Variants in ARHGAP1 observed in about 807,000 individuals in gnomAD.
The protein encoded by ARHGAP1 is Rho GTPase activating protein 1, also known as rho GTPase-activating protein 1.
Under a neutral mutation model 52.2 loss-of-function variants are expected in ARHGAP1, and 23 were observed. The ratio of observed to expected loss-of-function variants is 0.44; its 90% confidence interval spans 0.32 to 0.62. The LOEUF (loss-of-function observed/expected upper bound fraction) is 0.62, where lower values mean the gene tolerates loss of function less well. Among genes scored for constraint, ARHGAP1 ranks in the 20% least tolerant of loss-of-function variants. The pLI, the probability that ARHGAP1 is intolerant of heterozygous loss-of-function variation, is 0.05. For missense variants in ARHGAP1, 480 were observed against 560.9 expected (o/e 0.86, Z 1.46); for synonymous variants, 210 against 228.4 (o/e 0.92, Z 0.73).
intron 3 of ARHGAP1, 100 bp from the exon 4 acceptor site, chr11:46,688,360 A>G: frequency 8.3e-7 from 1 of 1,209,710 alleles, no homozygotes; most frequent in Non-Finnish European, 1.2e-6. Flanking sequence ...TGAGCCAGTT[A>G]CCACAGGGGC....
chr11:46,688,338 G>A, intron 3 of ARHGAP1, 78 bp from the exon 4 acceptor site: 1 of 1,404,760 alleles, frequency 7.1e-7, no homozygotes, highest in Non-Finnish European at 9.9e-7. Flanking sequence ...AAAGGGGCCA[G>A]GCCTGCTGAT....
At chr11:46,698,757 C>T (rs2064676449) in intron 1 of ARHGAP1, among the ~76,000 whole-genome samples, 1 of 152,110 alleles carries the variant, frequency 6.6e-6, no homozygotes, top group African/African-American at 2.4e-5. Context: ...TGACCTCCCT[C>T]AACGCCCCCA....
rs1289985842 is a variant in ARHGAP1, at chr11:46,687,869, T to C, written c.317+304A>G. The C allele has an allele frequency of 1.2e-5, 4 of 330,762 alleles. No homozygotes were observed. In the Admixed American group the frequency reaches 1.4e-4, roughly 11 times the overall value. 20.5% of individuals were successfully genotyped at this position (330,762 alleles called of 1,614,324 possible). A position where few individuals can be genotyped will look rare whatever the true frequency, so the allele number is the denominator to read the frequency against. ...TCACATCTGGACAAAAGTCCTTCCT[T>C]TTCATGTGCTGTTTGTCACTCCTAC... On this transcript the variant is annotated intron_variant, in intron 4 of 12. Transcript: ENST00000311956.
intron 3 of ARHGAP1, among the ~76,000 whole-genome samples, chr11:46,693,046 G>A (rs533293704): frequency 6.6e-6 from 1 of 152,138 alleles, no homozygotes; most frequent in Non-Finnish European, 1.5e-5. Flanking sequence ...TAGAGACGGG[G>A]TTTCACTGTG....
chr11:46,687,961 C>T (rs957151941), intron 4 of ARHGAP1: 23 of 535,570 alleles, frequency 4.3e-5, no homozygotes, highest in African/African-American at 4.2e-4. Context: ...AGATGCTTAC[C>T]AAGGTCACCC....
intron 4 of ARHGAP1, among the ~76,000 whole-genome samples, chr11:46,683,787 T>C (rs994060851): frequency 2.6e-5 from 4 of 152,136 alleles, no homozygotes; most frequent in Admixed American, 1.3e-4. Context: ...ATTATAGGCA[T>C]GTGCCACCAC....
intron 3 of ARHGAP1, among the ~76,000 whole-genome samples, chr11:46,690,048 G>A (rs568822235): frequency 2.1e-4 from 32 of 152,192 alleles, no homozygotes; most frequent in Middle Eastern, 3.4e-3. Context: ...ACTGACAATC[G>A]CTTTCTGATT....
chr11:46,699,999 GTCTC>G (rs1565692470), intron 1 of ARHGAP1, among the ~76,000 whole-genome samples: 1 of 150,772 alleles, frequency 6.6e-6, no homozygotes, highest in South Asian at 2.1e-4. Context: ...GTGAAACCCT[GTCTC>G]TACTAAAAAT....
chr11:46,689,018 A>G (rs2064592132), intron 3 of ARHGAP1, among the ~76,000 whole-genome samples: 1 of 148,860 alleles, frequency 6.7e-6, no homozygotes, highest in Non-Finnish European at 1.5e-5. Context: ...TGGGAGGCGG[A>G]GGTTGCAGTG....
At chr11:46,682,561 G>A (rs1224732563) in intron 4 of ARHGAP1, among the ~76,000 whole-genome samples, 2 of 152,218 alleles carry the variant, frequency 1.3e-5, no homozygotes, top group East Asian at 1.9e-4. Context: ...GTGCAGGCCT[G>A]TAATCCCAGC....
At chr11:46,689,840 T>C (rs2064597743) in intron 3 of ARHGAP1, among the ~76,000 whole-genome samples, 2 of 152,126 alleles carry the variant, frequency 1.3e-5, no homozygotes, top group Non-Finnish European at 2.9e-5. Context: ...CGCCCGGCTC[T>C]TACCTCAATT....
Position 46,688,089 on chromosome 11 carries a change from C to A in ARHGAP1, c.317+84G>T, listed in dbSNP as rs1592388386. On this transcript the variant is annotated intron_variant, in intron 4 of 12. Coordinates refer to ENST00000311956, the MANE Select transcript of ARHGAP1 (RefSeq NM_004308.5). ...AGGCAGGTGGCCTAGCACCCACAGG[C>A]AGGGAGGGACAGTAAAGAACGTGGC... 26 of 1,374,714 alleles carry A rather than the reference C, an allele frequency of 1.9e-5. No individual in the cohort carries two copies. In the East Asian group the frequency reaches 6.4e-4, roughly 34 times the overall value. The allele number at this position is 1,374,714 out of a possible 1,614,324, so 85.2% of individuals were successfully genotyped here.
At chr11:46,695,255 C>A in intron 3 of ARHGAP1, 4 of 354,022 alleles carry the variant, frequency 1.1e-5, no homozygotes, top group South Asian at 8.6e-5. Context: ...TTCCAGACTT[C>A]CCTAGGGCTA....
At position 46,677,701 on chromosome 11, in the gene ARHGAP1, C is replaced by CT; in HGVS notation, c.*1335_*1336insA. On this transcript the variant is annotated 3_prime_UTR_variant, in exon 13 of 13. Coordinates refer to ENST00000311956, the MANE Select transcript of ARHGAP1 (RefSeq NM_004308.5). The stretch of plus-strand genomic sequence containing the variant: ...GTGCAGTGGCTCACGCCTGGAATCC[C>CT]AGCACTTTGGGAGGCCGAGGTGGGT... 1 of 243,710 alleles carries CT rather than the reference C, an allele frequency of 4.1e-6. No individual in the cohort carries two copies. The highest frequency in any genetic ancestry group is 3.6e-5 in the South Asian group (1 of 27,618). 15.1% of individuals were successfully genotyped at this position (243,710 alleles called of 1,614,324 possible).
Position 46,682,091 on chromosome 11 carries a change from G to A in ARHGAP1, c.409C>T (p.Leu137Phe). Residue 137 changes from leucine (L) to phenylalanine (F), a missense_variant, in exon 5 of 13, where the codon CTC becomes TTC. Physicochemically the swap from Leu to Phe is conservative, Grantham distance 22. Coordinates refer to ENST00000311956, the MANE Select transcript of ARHGAP1 (RefSeq NM_004308.5). Reference sequence around the variant, plus strand: ...CGGTAGGCATCACGGAGCCAGCTGAGGGAGGGCTTGTTGTCGCTGGTCAGG... The same window carrying A: ...CGGTAGGCATCACGGAGCCAGCTGAAGGAGGGCTTGTTGTCGCTGGTCAGG... ...HGLTSDNKPS[L>F]SWLRDAYREF... The A allele has an allele frequency of 6.2e-7, 1 of 1,614,164 alleles. No homozygotes were observed. Among genetic ancestry groups the A allele is most frequent in the Non-Finnish European group, 8.5e-7 (1 of 1,180,008 alleles).
Position 46,681,926 on chromosome 11 carries a change from C to G in ARHGAP1, c.449+125G>C. 7.4e-7 allele frequency: 1 copy of G among 1,350,654 alleles called. No individual in the cohort carries two copies. Among genetic ancestry groups the G allele is most frequent in the Non-Finnish European group, 1.0e-6 (1 of 985,968 alleles). 83.7% of individuals were successfully genotyped at this position (1,350,654 alleles called of 1,614,324 possible). A position where few individuals can be genotyped will look rare whatever the true frequency, so the allele number is the denominator to read the frequency against. ...TCTGACTGCAGATTCTTTACATTGA[C>G]GTAGACGGCAGCCCCCGCCACCCCC... On this transcript the variant is annotated intron_variant, in intron 5 of 12. Coordinates refer to ENST00000311956, the MANE Select transcript of ARHGAP1 (RefSeq NM_004308.5). The surrounding 1 kb of genome is among the most constrained non-coding windows in gnomAD (Gnocchi z 5.7).
At chr11:46,685,676 CTTTTTTTTTTT>C (rs34418008) in intron 4 of ARHGAP1, among the ~76,000 whole-genome samples, 2 of 112,220 alleles carry the variant, frequency 1.8e-5, no homozygotes, top group African/African-American at 7.2e-5. Flanking sequence ...GCACAAGTCT[CTTTTTTTTTTT>C]TTTTTTTTTG....
At chr11:46,693,115 A>G (rs1009611966) in intron 3 of ARHGAP1, among the ~76,000 whole-genome samples, 8 of 151,772 alleles carry the variant, frequency 5.3e-5, no homozygotes, top group Non-Finnish European at 1.2e-4. Context: ...GCCTCCCAAA[A>G]TGCTGGGATT....
chr11:46,681,151 C>G lies in ARHGAP1; in HGVS notation c.537-42G>C, dbSNP rs1331416008. On this transcript the variant is annotated intron_variant, in intron 6 of 12. Coordinates refer to ENST00000311956, the MANE Select transcript of ARHGAP1 (RefSeq NM_004308.5). This position sits in a 1 kb window ranked among gnomAD's most constrained non-coding sequence, Gnocchi z 5.7. The stretch of plus-strand genomic sequence containing the variant: ...GGGCCTGGGTTGTGGGGGCCCGCTT[C>G]CGGTGGCCTCCACTCTCCCCTCAAC... 6.4e-7 allele frequency: 1 copy of G among 1,570,110 alleles called. No individual in the cohort carries two copies. Among genetic ancestry groups the G allele is most frequent in the East Asian group, 2.2e-5 (1 of 44,654 alleles).
Sources: gnomAD v4.1 joint callset for allele counts (sites outside exome capture counted in the v4.1 genomes callset) on GRCh38, gnomAD v4.1.1 for gene constraint, Gnocchi (gnomAD v3.1) non-coding constraint, MANE v1.5 for transcripts, NCBI Gene and HGNC (gene_info 2026-07-23, HGNC 2026-07-21) for gene names.